Variants in GIMAP2 observed in about 807,000 individuals in gnomAD.
GIMAP2 encodes GTPase IMAP family member 2.
A neutral mutation model predicts 25.5 loss-of-function variants in GIMAP2; 22 were observed. The observed-to-expected ratio is 0.86, with a 90% CI of 0.62 to 1.23. The LOEUF (loss-of-function observed/expected upper bound fraction) is 1.23, where lower values mean the gene tolerates loss of function less well. Ranked by LOEUF, GIMAP2 falls within the 50% of genes most tolerant of loss-of-function variation. GIMAP2 has a pLI of 0.00. For missense variants in GIMAP2, 422 were observed against 395.7 expected (o/e 1.07, Z -0.56); for synonymous variants, 167 against 143.0 (o/e 1.17, Z -1.20).
chr7:150,685,992 A>G (rs1189701579), intron 1 of GIMAP2, among the ~76,000 whole-genome samples: 1 of 152,208 alleles, frequency 6.6e-6, no homozygotes, highest in African/African-American at 2.4e-5. Context: ...TTTCCATAGT[A>G]TAAAGTCAAT....
intron 2 of GIMAP2, among the ~76,000 whole-genome samples, chr7:150,690,187 CTA>C (rs1796950094): frequency 6.6e-6 from 1 of 152,170 alleles, no homozygotes; most frequent in African/African-American, 2.4e-5. Context: ...CCCAGAGTTG[CTA>C]CAAGAGACAT....
intron 2 of GIMAP2, among the ~76,000 whole-genome samples, chr7:150,690,918 T>C (rs17173566): frequency 0.3 from 44,995 of 152,132 alleles, 6,943 homozygotes; most frequent in Middle Eastern, 0.38. Flanking sequence ...TTGTACAGTC[T>C]AAGTTCCTTC....
At chr7:150,690,635 A>C (rs928626864) in intron 2 of GIMAP2, among the ~76,000 whole-genome samples, 10 of 152,350 alleles carry the variant, frequency 6.6e-5, no homozygotes, top group African/African-American at 2.4e-4. Flanking sequence ...TACTTCATCT[A>C]TAAGGAGGTT....
intron 2 of GIMAP2, among the ~76,000 whole-genome samples, chr7:150,688,090 CA>C (rs747536097): frequency 7.2e-5 from 11 of 151,922 alleles, no homozygotes; most frequent in Non-Finnish European, 1.5e-4. Context: ...TTTTTCCTCC[CA>C]GCCACTGACT....
rs1166398270 is a variant in GIMAP2, at chr7:150,690,604, A to T, written c.29-1711A>T. Among the ~76,000 whole-genome samples, 4 of 152,240 alleles carry T rather than the reference A, an allele frequency of 2.6e-5. No homozygotes were observed. In the East Asian group the frequency reaches 7.7e-4, roughly 29 times the overall value. Reference sequence around the variant, plus strand: ...CTATTTAGGTGACTTTGTCCAAGTTACTTAACCCCTGCATGCAAGTTACTT... The same window carrying T: ...CTATTTAGGTGACTTTGTCCAAGTTTCTTAACCCCTGCATGCAAGTTACTT... On this transcript the variant is annotated intron_variant, in intron 2 of 2. Transcript: ENST00000223293.
intron 2 of GIMAP2, among the ~76,000 whole-genome samples, chr7:150,691,967 C>A (rs910353089): frequency 4.6e-5 from 7 of 152,058 alleles, no homozygotes; most frequent in African/African-American, 1.7e-4. Context: ...CGGTGGCTCA[C>A]GCCAGTAATC....
At chr7:150,690,530 A>G (rs1238597660) in intron 2 of GIMAP2, among the ~76,000 whole-genome samples, 1 of 152,204 alleles carries the variant, frequency 6.6e-6, no homozygotes, top group African/African-American at 2.4e-5. Context: ...ACCACTTGGA[A>G]CAGATCCTGG....
Position 150,692,676 on chromosome 7 carries a change from G to A in GIMAP2, c.390G>A (p.Lys130=), listed in dbSNP as rs1796981748. 2 of 1,614,204 alleles carry A rather than the reference G, an allele frequency of 1.2e-6. No individual in the cohort carries two copies. The highest frequency in any genetic ancestry group is 1.7e-6 in the Non-Finnish European group (2 of 1,180,048). ...ACCAGCAGGCTGCACAGAGGGTGAA[G>A]GAGATCTTTGGAGAGGATGCCATGG... ...SQDQQAAQRV[K]EIFGEDAMGH... is the part of the protein sequence containing the mutation. The change falls in exon 3 of 3, where the codon AAG becomes AAA. Residue 130 remains lysine, a synonymous_variant. Transcript: ENST00000223293.
chr7:150,687,105 CG>C lies in GIMAP2; in HGVS notation c.28+19del. ...TCACTGGGGTAAGAAGGTGACTTCA[CG>C]TGTGTGTGTGTGTGTGTGTGTGTGT... is the stretch of plus-strand genomic sequence containing the variant. On this transcript the variant is annotated intron_variant, in intron 2 of 2. Transcript: ENST00000223293. 1.6e-6 allele frequency: 2 copies of C among 1,267,172 alleles called. No homozygotes were observed. The highest frequency in any genetic ancestry group is 2.2e-6 in the Non-Finnish European group (2 of 901,846). The allele number at this position is 1,267,172 out of a possible 1,614,324, so 78.5% of individuals were successfully genotyped here.
At chr7:150,685,828 G>C in intron 1 of GIMAP2, 43 bp downstream of exon 1, 1 of 686,396 alleles carries the variant, frequency 1.5e-6, no homozygotes, top group Non-Finnish European at 1.8e-6. Flanking sequence ...TTGATTTCTA[G>C]GTCCCAAGCC....
chr7:150,686,171 C>T (rs1287385019), intron 1 of GIMAP2, among the ~76,000 whole-genome samples: 1 of 152,136 alleles, frequency 6.6e-6, no homozygotes, highest in Non-Finnish European at 1.5e-5. Context: ...GCTTCATAAC[C>T]AGGGGCTGTT....
chr7:150,685,840 T>C (rs1220771177), intron 1 of GIMAP2, 55 bp downstream of exon 1: 2 of 556,614 alleles, frequency 3.6e-6, no homozygotes, highest in East Asian at 2.9e-4. Context: ...TCCCAAGCCA[T>C]GCACAAACAT....
At chr7:150,692,166 A>G in intron 2 of GIMAP2, 149 bp from the exon 3 acceptor site, 2 of 690,208 alleles carry the variant, frequency 2.9e-6, no homozygotes, top group South Asian at 4.0e-5. Context: ...TGGAGCTTGC[A>G]GTGACCCGAG....
At chr7:150,689,529 C>G (rs986771369) in intron 2 of GIMAP2, 20 of 703,136 alleles carry the variant, frequency 2.8e-5, no homozygotes, top group Middle Eastern at 4.6e-4. Context: ...TGCCTCTAAG[C>G]AAGCTCCAGC....
At chr7:150,686,891 C>CCGAGAT (rs1796906981) in intron 1 of GIMAP2, among the ~76,000 whole-genome samples, 161 bp from the exon 2 acceptor site, 1 of 133,452 alleles carries the variant, frequency 7.5e-6, no homozygotes, top group African/African-American at 2.9e-5. Flanking sequence ...TTGCAGTGAG[C>CCGAGAT]CGAGATCGCA....
At position 150,693,142 on chromosome 7, in the gene GIMAP2, C is replaced by A. The variant is rs868749339; in HGVS notation, c.856C>A (p.Leu286Met). Residue 286 changes from leucine to methionine, a missense_variant, in exon 3 of 3, where the codon CTG (leucine) becomes ATG (methionine). By Grantham distance (15) the Leu-to-Met change is conservative. Transcript: ENST00000223293. ...TCAGTTGTTTCTCAGATTGATAATT[C>A]TGTGGCTTTGCATACTGCACAGCAT... Reference protein sequence around the residue: ...CIQLFLRLIILWLCILHSMCN... With the variant: ...CIQLFLRLIIMWLCILHSMCN... 5 of 1,613,710 alleles carry A rather than the reference C, an allele frequency of 3.1e-6. No individual in the cohort carries two copies. The highest frequency in any genetic ancestry group is 4.2e-6 in the Non-Finnish European group (5 of 1,179,624).
At chr7:150,689,601 C>G in intron 2 of GIMAP2, 1 of 697,944 alleles carries the variant, frequency 1.4e-6, no homozygotes, top group Non-Finnish European at 2.6e-6. Context: ...AATGTAATGC[C>G]TGCTTCCTTT....
intron 2 of GIMAP2, among the ~76,000 whole-genome samples, chr7:150,691,095 C>T (rs1165930918): frequency 3.9e-5 from 6 of 152,126 alleles, no homozygotes; most frequent in Non-Finnish European, 8.8e-5. Context: ...CATGGTATTC[C>T]GTTTCACTCA....
intron 2 of GIMAP2, among the ~76,000 whole-genome samples, chr7:150,691,669 C>A (rs1796966572): frequency 6.6e-6 from 1 of 152,190 alleles, no homozygotes; most frequent in African/African-American, 2.4e-5. Context: ...TCACTTGGCC[C>A]ACATTGAGAT....
Sources: gnomAD v4.1 joint callset for allele counts (sites outside exome capture counted in the v4.1 genomes callset) on GRCh38, gnomAD v4.1.1 for gene constraint, MANE v1.5 for transcripts, NCBI Gene and HGNC (gene_info 2026-07-23, HGNC 2026-07-21) for gene names.